The following CELSR2 variants were observed in gnomAD, a reference collection of about 807,000 sequenced individuals.
The protein encoded by CELSR2 is EGF-like protein 2.
A neutral mutation model predicts 251.6 loss-of-function variants in CELSR2; 81 were observed. That is an observed-to-expected ratio of 0.32 (90% CI 0.27 to 0.39). CELSR2 has a LOEUF of 0.39. CELSR2 is among the 10% of genes least tolerant of loss of function. The pLI, the probability that CELSR2 is intolerant of heterozygous loss-of-function variation, is 1.00. For synonymous variants in CELSR2, 1,721 were observed against 1,670.5 expected, an observed-to-expected ratio of 1.03 and a Z score of -0.74; for missense variants, 3,365 against 3,947.7, an observed-to-expected ratio of 0.85 and a Z score of 3.96.
rs959712086 is a variant in CELSR2, at chr1:109,268,867, TC to T, written c.6503-9del. ...GCCTCACAGGTCCGATCTGTGACCA[TC>T]CCCTTCCTTAGTCATCTCCGTAGTG... On this transcript the variant is annotated splice_polypyrimidine_tract_variant and intron_variant, in intron 18 of 33. Transcript: ENST00000271332. The T allele has an allele frequency of 6.3e-7, 1 of 1,596,164 alleles. No individual in the cohort carries two copies. The highest frequency in any genetic ancestry group is 8.6e-7 in the Non-Finnish European group (1 of 1,166,124).
Position 109,264,455 on chromosome 1 carries a change from G to A in CELSR2, c.5291G>A (p.Gly1764Asp), listed in dbSNP as rs771366923. 6.2e-7 allele frequency: 1 copy of A among 1,612,466 alleles called. No individual in the cohort carries two copies. Among genetic ancestry groups the A allele is most frequent in the Non-Finnish European group, 8.5e-7 (1 of 1,178,780 alleles). ...CAACACTGCTCCTGTCCCTCCCAGG[G>A]TGTGCGGGTGAGCGATACGCCGGAG... ...VARGFRGCLQ[G>D]VRVSDTPEGV... The change falls in exon 11 of 34, where the codon GGT becomes GAT. Residue 1764 changes from glycine to aspartate, a missense_variant and splice_region_variant. Gly to Asp is a moderately conservative substitution (Grantham distance 94). Coordinates refer to ENST00000271332, the MANE Select transcript of CELSR2 (RefSeq NM_001408.3).
Position 109,274,341 on chromosome 1 carries a change from A to G in CELSR2, c.*292A>G, listed in dbSNP as rs544545513. 111 of 585,430 alleles carry G rather than the reference A, an allele frequency of 1.9e-4. 1 individual carries two copies. The highest frequency in any genetic ancestry group is 7.8e-4 in the South Asian group (28 of 35,742). The allele number at this position is 585,430 out of a possible 1,614,324, so 36.3% of individuals were successfully genotyped here. A position where few individuals can be genotyped will look rare whatever the true frequency, so the allele number is the denominator to read the frequency against. On this transcript the variant is annotated 3_prime_UTR_variant, in exon 34 of 34. Transcript: ENST00000271332. Reference sequence around the variant, plus strand: ...GAGGAAAAAAAGAATTTAAAAAAGGATCTCCACTCTTCATGACTTCAGGGA... The same window carrying G: ...GAGGAAAAAAAGAATTTAAAAAAGGGTCTCCACTCTTCATGACTTCAGGGA...
chr1:109,260,211 C>T (rs1206787648), intron 2 of CELSR2, among the ~76,000 whole-genome samples: 2 of 151,008 alleles, frequency 1.3e-5, no homozygotes, highest in Non-Finnish European at 3.0e-5. Context: ...AGGCGAACAA[C>T]AGTTTCCATG....
Position 109,250,769 on chromosome 1 carries a change from GTTC to G in CELSR2, c.695_697del (p.Phe232del), listed in dbSNP as rs2101229182. ...CCCTCTTTGATAGCCGCTCCAACCA[GTTC>G]TTCTCCCTGGACCCAGTCACTGGTG... is the stretch of plus-strand genomic sequence containing the variant. On this transcript the variant is annotated inframe_deletion, in exon 1 of 34. Coordinates refer to ENST00000271332, the MANE Select transcript of CELSR2 (RefSeq NM_001408.3). The surrounding 1 kb of genome is among the most constrained non-coding windows in gnomAD (Gnocchi z 4.4). The G allele has an allele frequency of 1.9e-6, 3 of 1,614,116 alleles. No homozygotes were observed. The highest frequency in any genetic ancestry group is 2.5e-6 in the Non-Finnish European group (3 of 1,180,028).
In CELSR2 at chr1:109,261,187, C is replaced by G; in HGVS notation, c.4104C>G (p.Thr1368=). The change falls in exon 3 of 34, where the codon ACC becomes ACG. Residue 1368 remains threonine (T), a synonymous_variant. Transcript: ENST00000271332. The surrounding 1 kb of genome is among the most constrained non-coding windows in gnomAD (Gnocchi z 4.8). Reference sequence around the variant, plus strand: ...TCGAGAAGCCCTACTGCCAGGTGACCACGCGCAGCTTCCCCGCCCACTCCT... The same window carrying G: ...TCGAGAAGCCCTACTGCCAGGTGACGACGCGCAGCTTCCCCGCCCACTCCT... ...GDFEKPYCQV[T]TRSFPAHSFI... 1.2e-6 allele frequency: 2 copies of G among 1,614,168 alleles called. No homozygotes were observed. The highest frequency in any genetic ancestry group is 2.2e-5 in the South Asian group (2 of 91,082).
At position 109,261,534 on chromosome 1, in the gene CELSR2, C is replaced by T. The variant is rs145346551; in HGVS notation, c.4203C>T (p.Asp1401=). 1.6e-5 allele frequency: 26 copies of T among 1,614,068 alleles called. No individual in the cohort carries two copies. Among genetic ancestry groups the T allele is most frequent in the South Asian group, 2.2e-5 (2 of 91,090 alleles). ...TCAGGTTTGCCACAAAGGAGCGCGA[C>T]GGGTTGCTGTTGTACAATGGGCGTT... is the stretch of plus-strand genomic sequence containing the variant. ...LALSFATKER[D]GLLLYNGRFN... The change falls in exon 4 of 34, where the codon GAC becomes GAT. Residue 1401 remains aspartate (D), a synonymous_variant. Coordinates refer to ENST00000271332, the MANE Select transcript of CELSR2 (RefSeq NM_001408.3). This position sits in a 1 kb window ranked among gnomAD's most constrained non-coding sequence, Gnocchi z 4.8.
chr1:109,260,976 T>G (rs1253263648), intron 2 of CELSR2, 66 bp from the exon 3 acceptor site: 45 of 1,283,982 alleles, frequency 3.5e-5, no homozygotes, highest in Non-Finnish European at 4.9e-5. Context: ...CACTGGGTTG[T>G]GGGGGGTCTC....
Position 109,262,926 on chromosome 1 carries a change from C to G in CELSR2, c.4665C>G (p.His1555Gln), listed in dbSNP as rs1656059433. ...GGAACCTGCAGGTGGACAGCCGGCA[C>G]ATAGACATGGCTGACTTCATTGCCA... Reference protein sequence around the residue: ...CMRNLQVDSRHIDMADFIANN... With the variant: ...CMRNLQVDSRQIDMADFIANN... The change falls in exon 7 of 34, where the codon CAC becomes CAG. Residue 1555 changes from histidine to glutamine, a missense_variant. Physicochemically the swap from His to Gln is conservative, Grantham distance 24. Coordinates refer to ENST00000271332, the MANE Select transcript of CELSR2 (RefSeq NM_001408.3). 1.9e-6 allele frequency: 3 copies of G among 1,613,736 alleles called. No homozygotes were observed. Among genetic ancestry groups the G allele is most frequent in the Non-Finnish European group, 2.5e-6 (3 of 1,180,014 alleles).
Position 109,271,484 on chromosome 1 carries a change from A to G in CELSR2, c.7775A>G (p.Tyr2592Cys), listed in dbSNP as rs769577040. The change falls in exon 27 of 34, where the codon TAC becomes TGC. Residue 2592 changes from tyrosine to cysteine, a missense_variant. Physicochemically the swap from Tyr to Cys is radical, Grantham distance 194. Transcript: ENST00000271332. ...SVNSDTLLFH[Y>C]LFATCNCIQG... Reference sequence around the variant, plus strand: ...AACAGCGACACCCTCCTCTTCCACTACCTCTTTGCTACCTGCAATTGCATC... The same window carrying G: ...AACAGCGACACCCTCCTCTTCCACTGCCTCTTTGCTACCTGCAATTGCATC... 4.3e-6 allele frequency: 7 copies of G among 1,613,548 alleles called. No homozygotes were observed. Among genetic ancestry groups the G allele is most frequent in the Admixed American group, 3.3e-5 (2 of 59,978 alleles).
chr1:109,259,086 C>G lies in CELSR2; in HGVS notation c.3958+7C>G, dbSNP rs1410939334. On this transcript the variant is annotated splice_region_variant and intron_variant, in intron 2 of 33. Coordinates refer to ENST00000271332, the MANE Select transcript of CELSR2 (RefSeq NM_001408.3). ...TGTCGTGATGGCTACACGGGTGAGC[C>G]AAGGGAGGGGACTCATGGGCCAGCC... 8 of 1,563,978 alleles carry G rather than the reference C, an allele frequency of 5.1e-6. No individual in the cohort carries two copies. The highest frequency in any genetic ancestry group is 6.9e-6 in the Non-Finnish European group (8 of 1,159,250).
chr1:109,250,113 A>AAGCCGC lies in CELSR2; in HGVS notation c.34_35insAGCCGC (p.Thr12delinsLysProPro). 6.6e-7 allele frequency: 1 copy of AAGCCGC among 1,514,752 alleles called. No homozygotes were observed. The highest frequency in any genetic ancestry group is 8.9e-7 in the Non-Finnish European group (1 of 1,122,142). The allele number at this position is 1,514,752 out of a possible 1,614,324, so 93.8% of individuals were successfully genotyped here. A position where few individuals can be genotyped will look rare whatever the true frequency, so the allele number is the denominator to read the frequency against. Reference sequence around the variant, plus strand: ...CCCGGCCACCGGCGTCCCCCTCCCAACGCCGCCGCCGCCGCTGCTGCTGCT... The same window carrying AAGCCGC: ...CCCGGCCACCGGCGTCCCCCTCCCAAAGCCGCCGCCGCCGCCGCCGCTGCTGCTGCT... On this transcript the variant is annotated protein_altering_variant, in exon 1 of 34. Transcript: ENST00000271332. The surrounding 1 kb of genome is among the most constrained non-coding windows in gnomAD (Gnocchi z 4.4).
chr1:109,262,802 C>T lies in CELSR2; in HGVS notation c.4545-4C>T. ...TTGTGCCGCCACCATCTTTGCTCCCCCAGGTCTCTGGATCTGACGGGGCCC... is the reference window on the plus strand; with the variant it reads ...TTGTGCCGCCACCATCTTTGCTCCCTCAGGTCTCTGGATCTGACGGGGCCC... On this transcript the variant is annotated splice_region_variant and splice_polypyrimidine_tract_variant and intron_variant, in intron 6 of 33. Coordinates refer to ENST00000271332, the MANE Select transcript of CELSR2 (RefSeq NM_001408.3). 1 of 1,610,666 alleles carries T rather than the reference C, an allele frequency of 6.2e-7. No homozygotes were observed. The highest frequency in any genetic ancestry group is 8.5e-7 in the Non-Finnish European group (1 of 1,177,982).
In CELSR2 at chr1:109,250,190, T is replaced by TC. The variant is rs1655641208; in HGVS notation, c.112dup (p.Arg38ProfsTer41). On this transcript the variant is annotated frameshift_variant, in exon 1 of 34. Coordinates refer to ENST00000271332, the MANE Select transcript of CELSR2 (RefSeq NM_001408.3). LOFTEE classifies it high-confidence loss of function. This position sits in a 1 kb window ranked among gnomAD's most constrained non-coding sequence, Gnocchi z 4.4. Reference sequence around the variant, plus strand: ...TATTGGGAGACCAAGTGGGGCCCTGTCGTTCCTTGGGGTCCAGGGGACGAG... The same window carrying TC: ...TATTGGGAGACCAAGTGGGGCCCTGTCCGTTCCTTGGGGTCCAGGGGACGAG... The TC allele has an allele frequency of 6.2e-7, 1 of 1,600,664 alleles. No homozygotes were observed. The highest frequency in any genetic ancestry group is 8.5e-7 in the Non-Finnish European group (1 of 1,175,316).
Position 109,268,030 on chromosome 1 carries a change from G to C in CELSR2, c.6288G>C (p.Leu2096=), listed in dbSNP as rs201559307. 19 of 1,606,304 alleles carry C rather than the reference G, an allele frequency of 1.2e-5. No homozygotes were observed. Among genetic ancestry groups the C allele is most frequent in the Admixed American group, 6.7e-5 (4 of 59,972 alleles). Residue 2096 remains leucine, a synonymous_variant, in exon 17 of 34, where the codon CTG becomes CTC. Coordinates refer to ENST00000271332, the MANE Select transcript of CELSR2 (RefSeq NM_001408.3). ...AGAGCACCCAGCGGGGCTTTGGGCTGTCTGCCACACAGGACGTGCACTTCA... is the reference window on the plus strand; with the variant it reads ...AGAGCACCCAGCGGGGCTTTGGGCTCTCTGCCACACAGGACGTGCACTTCA... ...AHESTQRGFG[L]SATQDVHFTE...
chr1:109,268,565 A>G lies in CELSR2; in HGVS notation c.6319-16A>G, dbSNP rs1417159648. The G allele has an allele frequency of 1.3e-6, 2 of 1,596,240 alleles. No individual in the cohort carries two copies. The highest frequency in any genetic ancestry group is 3.4e-5 in the Admixed American group (2 of 59,100). Reference sequence around the variant, plus strand: ...GTGGGTTGTGAGCACACCCACCGTGACCTTGCCCACCCCAGAATCTGCTGC... The same window carrying G: ...GTGGGTTGTGAGCACACCCACCGTGGCCTTGCCCACCCCAGAATCTGCTGC... On this transcript the variant is annotated splice_polypyrimidine_tract_variant and intron_variant, in intron 17 of 33. Transcript: ENST00000271332.
In CELSR2 at chr1:109,261,368, A is replaced by G. The variant is rs1656016798; in HGVS notation, c.4181+104A>G. 2 of 1,385,006 alleles carry G rather than the reference A, an allele frequency of 1.4e-6. No homozygotes were observed. The highest frequency in any genetic ancestry group is 2.3e-5 in the East Asian group (1 of 43,620). The allele number at this position is 1,385,006 out of a possible 1,614,324, so 85.8% of individuals were successfully genotyped here. A position where few individuals can be genotyped will look rare whatever the true frequency, so the allele number is the denominator to read the frequency against. On this transcript the variant is annotated intron_variant, in intron 3 of 33. Transcript: ENST00000271332. This position sits in a 1 kb window ranked among gnomAD's most constrained non-coding sequence, Gnocchi z 4.8. ...AGGTCAGGCAGTGAAAGCGTGGAGCAGGCTGCCGGCAGAGCCAGGTCTGCT... is the reference window on the plus strand; with the variant it reads ...AGGTCAGGCAGTGAAAGCGTGGAGCGGGCTGCCGGCAGAGCCAGGTCTGCT...
intron 23 of CELSR2, 56 bp downstream of exon 23, chr1:109,270,189 GCC>G: frequency 6.4e-7 from 1 of 1,555,622 alleles, no homozygotes. Flanking sequence ...CGCCTCCCCA[GCC>G]CCCACTGGCA....
At position 109,250,216 on chromosome 1, in the gene CELSR2, G is replaced by T. The variant is rs1327784912; in HGVS notation, c.137G>T (p.Gly46Val). 1 of 1,601,344 alleles carries T rather than the reference G, an allele frequency of 6.2e-7. No homozygotes were observed. Among genetic ancestry groups the T allele is most frequent in the East Asian group, 2.2e-5 (1 of 44,788 alleles). ...PCRSLGSRGR[G>V]SSGACAPMGW... ...CGTTCCTTGGGGTCCAGGGGACGAGGCTCTTCGGGGGCCTGCGCCCCCATG... is the reference window on the plus strand; with the variant it reads ...CGTTCCTTGGGGTCCAGGGGACGAGTCTCTTCGGGGGCCTGCGCCCCCATG... Residue 46 changes from glycine to valine, a missense_variant, in exon 1 of 34, where the codon GGC (glycine) becomes GTC (valine). Gly to Val is a moderately radical substitution (Grantham distance 109, BLOSUM62 -3). Around this residue, in one of 5 missense-constraint regions of CELSR2, gnomAD observed 704 missense variants for 784.1 expected, o/e 0.90. Transcript: ENST00000271332. This position sits in a 1 kb window ranked among gnomAD's most constrained non-coding sequence, Gnocchi z 4.4.
In CELSR2 at chr1:109,269,290, G is replaced by T; in HGVS notation, c.6812G>T (p.Arg2271Ile). The T allele has an allele frequency of 6.2e-7, 1 of 1,613,144 alleles. No individual in the cohort carries two copies. The change falls in exon 20 of 34, where the codon AGA becomes ATA. Residue 2271 changes from arginine to isoleucine, a missense_variant and splice_region_variant. Arg to Ile is a moderately conservative substitution (Grantham distance 97, BLOSUM62 -3). Transcript: ENST00000271332. The surrounding 1 kb of genome is among the most constrained non-coding windows in gnomAD (Gnocchi z 6.4). ...HNYDPDKRSL[R>I]VPKRPIINTP... ...TATGACCCTGACAAGCGCAGCTTGA[G>T]GTCAGCAGCTAGGGGACAGGTGTGG...
Sources: allele counts gnomAD v4.1 joint callset (sites outside exome capture counted in the v4.1 genomes callset), GRCh38; gene constraint gnomAD v4.1.1; regional missense constraint gnomAD v4.1.1; non-coding constraint Gnocchi (gnomAD v3.1); transcripts MANE v1.5; gene names NCBI Gene and HGNC (gene_info 2026-07-23, HGNC 2026-07-21).